HERC2: variants seen among roughly 807,000 people sequenced by gnomAD.
HERC2 encodes E3 ubiquitin-protein ligase HERC2.
In HERC2, 102 loss-of-function variants were observed where a neutral mutation model predicts 537.7. The observed-to-expected ratio is 0.19, with a 90% CI of 0.16 to 0.22. The LOEUF (loss-of-function observed/expected upper bound fraction) is 0.22. HERC2 is among the 10% of genes least tolerant of loss of function. HERC2 has a pLI of 1.00. For missense variants in HERC2, 4,236 were observed against 6,198.2 expected (o/e 0.68, Z 10.63); for synonymous variants, 2,224 against 2,466.2 (o/e 0.90, Z 2.91).
At position 28,233,619 on chromosome 15, in the gene HERC2, G is replaced by A. The variant is rs200593171; in HGVS notation, c.4351+45C>T. ...TGAATATGTACCTCAGGTTAGTCGA[G>A]GAATCTGCAGTGTACCTAAAGTACA... On this transcript the variant is annotated intron_variant, in intron 28 of 92. Transcript: ENST00000261609. 178 of 1,613,648 alleles carry A rather than the reference G, an allele frequency of 1.1e-4. No individual in the cohort carries two copies. In the African/African-American group the frequency reaches 2.1e-3, roughly 19 times the overall value.
At chr15:28,266,002 T>A (rs1315000362) in intron 12 of HERC2, 28 bp from the exon 13 acceptor site, 1 of 1,609,456 alleles carries the variant, frequency 6.2e-7, no homozygotes, top group Non-Finnish European at 8.5e-7. Context: ...CAAACATGAA[T>A]GCCCTTCTTC....
At chr15:28,245,320 G>A (rs1334807140) in intron 23 of HERC2, among the ~76,000 whole-genome samples, 2 of 152,082 alleles carry the variant, frequency 1.3e-5, no homozygotes, top group Non-Finnish European at 2.9e-5. Flanking sequence ...GCAGAGGCGG[G>A]TGGATCACTT....
At chr15:28,144,587 C>T (rs940918530) in intron 72 of HERC2, 86 bp downstream of exon 72, 4 of 1,571,658 alleles carry the variant, frequency 2.5e-6, no homozygotes, top group African/African-American at 1.3e-5. Flanking sequence ...TCAGGCACTA[C>T]GTGGACATGT....
rs370718552 is a variant in HERC2, at chr15:28,233,498, G to C, written c.4415C>G (p.Thr1472Arg). The change falls in exon 29 of 93, where the codon ACG becomes AGG. Residue 1472 changes from threonine to arginine, a missense_variant. Physicochemically the swap from Thr to Arg is moderately conservative, Grantham distance 71 (BLOSUM62 -1). Coordinates refer to ENST00000261609, the MANE Select transcript of HERC2 (RefSeq NM_004667.6). The stretch of plus-strand genomic sequence containing the variant: ...AACATCCACCACTGACTTAGGCAAC[G>C]TTCTGTGCTTTACTTGCTCAATACC... Reference protein sequence around the residue: ...ALGIEQVKHRTLPKSVVDVCR... With the variant: ...ALGIEQVKHRRLPKSVVDVCR... 1 of 1,533,234 alleles carries C rather than the reference G, an allele frequency of 6.5e-7. No individual in the cohort carries two copies. Among genetic ancestry groups the C allele is most frequent in the African/African-American group, 1.4e-5 (1 of 73,012 alleles). The allele number at this position is 1,533,234 out of a possible 1,614,324, so 95.0% of individuals were successfully genotyped here. A position where few individuals can be genotyped will look rare whatever the true frequency, so the allele number is the denominator to read the frequency against.
chr15:28,279,974 C>T (rs2075980029), intron 5 of HERC2, 94 bp downstream of exon 5: 1 of 883,460 alleles, frequency 1.1e-6, no homozygotes, highest in South Asian at 1.7e-5. Context: ...AAGGTGAAGA[C>T]AGCCTATATT....
At chr15:28,274,481 ACT>A in intron 6 of HERC2, 34 bp from the exon 7 acceptor site, 1 of 1,560,990 alleles carries the variant, frequency 6.4e-7, no homozygotes, top group Non-Finnish European at 8.7e-7. Context: ...GAGCCCCCCC[ACT>A]CCCCTCACTC....
chr15:28,192,029 C>G lies in HERC2; in HGVS notation c.8383G>C (p.Val2795Leu), dbSNP rs755344253. Reference protein sequence around the residue: ...MVKSLNVSSSVNQASRLIDGS... With the variant: ...MVKSLNVSSSLNQASRLIDGS... ...TCAATGAGACGGGATGCCTGGTTCA[C>G]GGAGGACGACACATTCAGGCTCTTC... Residue 2795 changes from valine to leucine, a missense_variant, in exon 53 of 93, where the codon GTG (valine) becomes CTG (leucine). This residue lies in a region of HERC2 where 606 missense variants were observed against 884.5 expected (regional missense o/e 0.69). Transcript: ENST00000261609. 1 of 1,614,030 alleles carries G rather than the reference C, an allele frequency of 6.2e-7. No individual in the cohort carries two copies. Among genetic ancestry groups the G allele is most frequent in the East Asian group, 2.2e-5 (1 of 44,878 alleles).
chr15:28,219,289 A>G lies in HERC2; in HGVS notation c.5846-618T>C, dbSNP rs143590945. On this transcript the variant is annotated intron_variant, in intron 37 of 92. Transcript: ENST00000261609. The stretch of plus-strand genomic sequence containing the variant: ...GCTTGGCTGGCTTTGGGATGAGGAG[A>G]TGTGTGGCAAATGAGGCCACCCTCT... Among the ~76,000 whole-genome samples, 99 of 152,306 alleles carry G rather than the reference A, an allele frequency of 6.5e-4. 1 individual carries two copies. Among genetic ancestry groups the G allele is most frequent in the African/African-American group, 2.3e-3 (96 of 41,570 alleles).
At chr15:28,210,434 C>T (rs1270652502) in intron 44 of HERC2, among the ~76,000 whole-genome samples, 1 of 152,214 alleles carries the variant, frequency 6.6e-6, no homozygotes, top group African/African-American at 2.4e-5. Flanking sequence ...TTGTGCCCGG[C>T]TGGTGAATAC....
chr15:28,204,045 CCA>C (rs1898148407), intron 45 of HERC2: 1 of 152,144 alleles, frequency 6.6e-6, no homozygotes, highest in African/African-American at 2.4e-5. Flanking sequence ...TGGCACCAAG[CCA>C]CCTCAGGATC....
At chr15:28,264,848 T>A (rs1049457603) in intron 14 of HERC2, among the ~76,000 whole-genome samples, 1 of 152,186 alleles carries the variant, frequency 6.6e-6, no homozygotes, top group African/African-American at 2.4e-5. Context: ...GATGAGGCCA[T>A]CTTTGCTCTA....
chr15:28,309,532 G>A (rs1328920725), intron 2 of HERC2, among the ~76,000 whole-genome samples: 8 of 152,114 alleles, frequency 5.3e-5, no homozygotes, highest in South Asian at 4.1e-4. Context: ...CCCCCGCACC[G>A]TCCTGAAGGG....
At chr15:28,201,399 T>C (rs1282872953) in intron 48 of HERC2, 57 bp downstream of exon 48, 61 of 1,147,584 alleles carry the variant, frequency 5.3e-5, no homozygotes, top group South Asian at 8.6e-5. Context: ...TAGGACATAC[T>C]CAAATATTTG....
chr15:28,266,723 T>C (rs1041185554), intron 12 of HERC2, among the ~76,000 whole-genome samples: 2 of 152,094 alleles, frequency 1.3e-5, no homozygotes, highest in South Asian at 2.1e-4. Flanking sequence ...GACAAAATAA[T>C]AACAACAGAG....
chr15:28,164,083 C>T (rs996688037), intron 68 of HERC2, among the ~76,000 whole-genome samples: 3 of 152,212 alleles, frequency 2.0e-5, no homozygotes, highest in Non-Finnish European at 2.9e-5. Flanking sequence ...CCACCGCTTC[C>T]GACCCAGCAT....
Position 28,113,016 on chromosome 15 carries a change from C to T in HERC2, c.14232+55G>A, listed in dbSNP as rs1699614141. On this transcript the variant is annotated intron_variant, in intron 92 of 92. Transcript: ENST00000261609. The surrounding 1 kb of genome is among the most constrained non-coding windows in gnomAD (Gnocchi z 7.0). ...GCAGGACTGTGGGTGAGGAGCCAGC[C>T]ACCCACCGTCGGCCGACATCAGCCC... The T allele has an allele frequency of 6.9e-7, 1 of 1,455,992 alleles. No homozygotes were observed. Among genetic ancestry groups the T allele is most frequent in the Non-Finnish European group, 9.5e-7 (1 of 1,051,478 alleles). The allele number at this position is 1,455,992 out of a possible 1,614,324, so 90.2% of individuals were successfully genotyped here.
chr15:28,236,003 TA>T (rs1902399066), intron 26 of HERC2, among the ~76,000 whole-genome samples: 1 of 152,180 alleles, frequency 6.6e-6, no homozygotes, highest in African/African-American at 2.4e-5. Flanking sequence ...CCTGGTCTGG[TA>T]AAAACACAGT....
At chr15:28,112,987 TG>T in intron 92 of HERC2, 83 bp downstream of exon 92, 1 of 1,080,138 alleles carries the variant, frequency 9.3e-7, no homozygotes, top group Non-Finnish European at 1.3e-6. Flanking sequence ...GTTTTCCATG[TG>T]CTGCAGGACT....
At chr15:28,218,757 A>C in intron 37 of HERC2, 86 bp from the exon 38 acceptor site, 1 of 1,171,500 alleles carries the variant, frequency 8.5e-7, no homozygotes. Flanking sequence ...CTTTAATATT[A>C]CATTCTTGTT....
Sources: allele counts gnomAD v4.1 joint callset (sites outside exome capture counted in the v4.1 genomes callset), GRCh38; gene constraint gnomAD v4.1.1; regional missense constraint gnomAD v4.1.1; non-coding constraint Gnocchi (gnomAD v3.1); transcripts MANE v1.5; gene names NCBI Gene and HGNC (gene_info 2026-07-23, HGNC 2026-07-21).